RERE: variants seen among roughly 807,000 people sequenced by gnomAD.
The protein encoded by RERE is arginine-glutamic acid dipeptide repeats protein.
A neutral mutation model predicts 146.1 loss-of-function variants in RERE; 40 were observed. The ratio of observed to expected loss-of-function variants is 0.27; its 90% CI spans 0.21 to 0.36. RERE has a LOEUF of 0.36. Ranked by LOEUF, RERE falls within the 10% of genes least tolerant of loss-of-function variation. RERE has a pLI of 1.00. For synonymous variants in RERE, 1,003 were observed against 866.0 expected (o/e 1.16, Z -2.78); for missense variants, 1,933 against 2,138.7 (o/e 0.90, Z 1.90).
rs185517183 is a variant in RERE at position 8,352,770 on chromosome 1, T to C, written c.*2317A>G. 6.6e-6 allele frequency: 1 copy of C among 152,492 alleles called. No individual in the cohort carries two copies. The highest frequency in any genetic ancestry group is 1.9e-4 in the East Asian group (1 of 5,180). 9.4% of individuals were successfully genotyped at this position (152,492 alleles called of 1,614,324 possible). ...GGCCTCCTAAACAAACTGTAGTTTA[T>C]CTGGTGAGGGTTTCGGGTCGAGGGT... On this transcript the variant is annotated 3_prime_UTR_variant, in exon 23 of 23. Coordinates refer to ENST00000400908, the MANE Select transcript of RERE (RefSeq NM_001042681.2).
chr1:8,499,893 G>A (rs1463078071), intron 8 of RERE, among the ~76,000 whole-genome samples: 1 of 152,254 alleles, frequency 6.6e-6, no homozygotes, highest in African/African-American at 2.4e-5. Flanking sequence ...GCCGAGGCGG[G>A]CAGATCACCT....
intron 4 of RERE, among the ~76,000 whole-genome samples, chr1:8,573,403 A>C (rs544916479): frequency 1.2e-4 from 12 of 96,224 alleles, no homozygotes; most frequent in African/African-American, 3.7e-4. Flanking sequence ...AAATGACACT[A>C]GACTCTTTGA....
chr1:8,658,868 C>A (rs924714837), intron 1 of RERE, among the ~76,000 whole-genome samples: 2 of 152,156 alleles, frequency 1.3e-5, no homozygotes, highest in African/African-American at 4.8e-5. Flanking sequence ...AAACCTCTTA[C>A]CAGAAAAGAC....
chr1:8,355,675 A>G lies in RERE; in HGVS notation c.4487-76T>C, dbSNP rs1469912548. 4.5e-6 allele frequency: 6 copies of G among 1,320,596 alleles called. No individual in the cohort carries two copies. In the African/African-American group the frequency reaches 7.4e-5, roughly 16 times the overall value. 81.8% of individuals were successfully genotyped at this position (1,320,596 alleles called of 1,614,324 possible). ...AAGACCAGGGCGGCACAGGCACAGC[A>G]AACGGCAAAGAGCACAGGAGAGGTG... On this transcript the variant is annotated intron_variant, in intron 21 of 22. Coordinates refer to ENST00000400908, the MANE Select transcript of RERE (RefSeq NM_001042681.2).
chr1:8,460,504 A>G (rs1384047287), intron 11 of RERE, among the ~76,000 whole-genome samples: 1 of 152,230 alleles, frequency 6.6e-6, no homozygotes, highest in Non-Finnish European at 1.5e-5. Flanking sequence ...AAAATTTATG[A>G]GCTTGTAAAT....
In RERE at chr1:8,353,570, C is replaced by G. The variant is rs1174891931; in HGVS notation, c.*1517G>C. 6.6e-6 allele frequency: 1 copy of G among 152,272 alleles called. No individual in the cohort carries two copies. Among genetic ancestry groups the G allele is most frequent in the Non-Finnish European group, 1.5e-5 (1 of 68,124 alleles). 9.4% of individuals were successfully genotyped at this position (152,272 alleles called of 1,614,324 possible). A position where few individuals can be genotyped will look rare whatever the true frequency, so the allele number is the denominator to read the frequency against. On this transcript the variant is annotated 3_prime_UTR_variant, in exon 23 of 23. Coordinates refer to ENST00000400908, the MANE Select transcript of RERE (RefSeq NM_001042681.2). ...AGCAGGGCCGACAGAGGGCAGACAC[C>G]CCAGAACACCCGCCCTCAGCCTGGG...
chr1:8,520,753 T>TAAA (rs368609572), intron 7 of RERE, among the ~76,000 whole-genome samples: 24,869 of 75,452 alleles, frequency 0.33, 3,050 homozygotes, highest in Non-Finnish European at 0.4. Context: ...AAAAAACTTT[T>TAAA]TAAAAAAAAA....
At chr1:8,380,020 C>T (rs1226227285) in intron 12 of RERE, among the ~76,000 whole-genome samples, 1 of 152,168 alleles carries the variant, frequency 6.6e-6, no homozygotes, top group Non-Finnish European at 1.5e-5. Context: ...GATGGGTGAC[C>T]TCAGTCACCC....
intron 2 of RERE, among the ~76,000 whole-genome samples, chr1:8,642,998 C>G (rs1005348958): frequency 6.6e-6 from 1 of 152,180 alleles, no homozygotes; most frequent in African/African-American, 2.4e-5. Flanking sequence ...GACACTTTTC[C>G]AAGTACCTGG....
intron 2 of RERE, among the ~76,000 whole-genome samples, chr1:8,627,388 T>C (rs923948174): frequency 4.6e-5 from 7 of 151,990 alleles, no homozygotes; most frequent in African/African-American, 1.7e-4. Context: ...GTGGATCACC[T>C]GAGGTCAGTT....
chr1:8,635,967 C>CTTATTTTATT (rs1248672363), intron 2 of RERE, among the ~76,000 whole-genome samples: 8 of 146,330 alleles, frequency 5.5e-5, no homozygotes, highest in Admixed American at 1.4e-4. Context: ...CTTATCTTAT[C>CTTATTTTATT]TTATCTTATC....
intron 1 of RERE, among the ~76,000 whole-genome samples, chr1:8,773,701 A>G (rs1641000593): frequency 2.0e-5 from 3 of 152,072 alleles, no homozygotes; most frequent in Admixed American, 6.6e-5. Flanking sequence ...GTGCGCATCT[A>G]TAATACCAGC....
chr1:8,528,566 G>C (rs1645598352), intron 7 of RERE, among the ~76,000 whole-genome samples: 1 of 152,156 alleles, frequency 6.6e-6, no homozygotes, highest in Non-Finnish European at 1.5e-5. Flanking sequence ...AATACAGGTT[G>C]AGTTATCCTA....
intron 1 of RERE, chr1:8,753,499 G>C (rs547292860): frequency 2.0e-5 from 3 of 151,912 alleles, no homozygotes; most frequent in South Asian, 2.1e-4. Flanking sequence ...TCTATTTGAC[G>C]GATTTTAAAA....
chr1:8,645,324 A>C (rs895973025), intron 2 of RERE, among the ~76,000 whole-genome samples: 1 of 152,194 alleles, frequency 6.6e-6, no homozygotes, highest in Non-Finnish European at 1.5e-5. Flanking sequence ...TGCATGCATC[A>C]TATTTTAACG....
At chr1:8,610,332 T>C (rs180771739) in intron 4 of RERE, among the ~76,000 whole-genome samples, 264 of 152,212 alleles carry the variant, frequency 1.7e-3, no homozygotes, top group African/African-American at 6.1e-3. Flanking sequence ...GGCTCACGCC[T>C]GTAATCCCAG....
In RERE at chr1:8,605,756, A is replaced by C. The variant is rs1479773069; in HGVS notation, c.522+8805T>G. Among the ~76,000 whole-genome samples the C allele has an allele frequency of 4.0e-5, 6 of 148,400 alleles. No individual in the cohort carries two copies. In the East Asian group the frequency reaches 1.2e-3, roughly 29 times the overall value. ...CAAGACCCCATCTCCAAAAAAAAAA[A>C]AAAAAAAAAAAAAAACCCCTAAAAA... On this transcript the variant is annotated intron_variant, in intron 4 of 22. Coordinates refer to ENST00000400908, the MANE Select transcript of RERE (RefSeq NM_001042681.2).
chr1:8,584,547 T>G (rs544675168), intron 4 of RERE, among the ~76,000 whole-genome samples: 2 of 151,940 alleles, frequency 1.3e-5, no homozygotes, highest in African/African-American at 2.4e-5. Flanking sequence ...AAACCCTGTC[T>G]CAAAGGAATC....
At chr1:8,434,832 C>T (rs1644146700) in intron 11 of RERE, 1 of 152,228 alleles carries the variant, frequency 6.6e-6, no homozygotes, top group Non-Finnish European at 1.5e-5. Flanking sequence ...CTATTCTAGT[C>T]CCCAGCCATT....
Sources: gnomAD v4.1 joint callset for allele counts (sites outside exome capture counted in the v4.1 genomes callset) on GRCh38, gnomAD v4.1.1 for gene constraint, MANE v1.5 for transcripts, NCBI Gene and HGNC (gene_info 2026-07-23, HGNC 2026-07-21) for gene names.